Variants in CNNM1 observed in about 807,000 individuals in gnomAD.
The protein encoded by CNNM1 is cyclin and CBS domain divalent metal cation transport mediator 1.
In CNNM1, 44 loss-of-function variants were observed where a neutral mutation model predicts 78.8. The observed-to-expected ratio is 0.56, with a 90% CI of 0.44 to 0.72. The LOEUF (loss-of-function observed/expected upper bound fraction) is 0.72, where lower values mean the gene tolerates loss of function less well. CNNM1 is among the 30% of genes least tolerant of loss of function. The pLI is 0.00. For synonymous variants in CNNM1, 584 were observed against 581.5 expected, an observed-to-expected ratio of 1.00 and a Z score of -0.06; for missense variants, 1,101 against 1,292.2, an observed-to-expected ratio of 0.85 and a Z score of 2.27.
In CNNM1 at chr10:99,390,394, G is replaced by GC; in HGVS notation, c.2764dup (p.Leu922ProfsTer20). On this transcript the variant is annotated frameshift_variant, in exon 10 of 11. Transcript: ENST00000356713. LOFTEE classifies it high-confidence loss of function. ...TTGAGGAAAACGTGGGCAAGAAGCT[G>GC]CTGAGAACCTTGAGTGAGTAGCTAG... is the stretch of plus-strand genomic sequence containing the variant. The GC allele has an allele frequency of 6.2e-7, 1 of 1,611,718 alleles. No individual in the cohort carries two copies. Among genetic ancestry groups the GC allele is most frequent in the South Asian group, 1.1e-5 (1 of 90,366 alleles).
At chr10:99,356,865 T>C (rs957847748) in intron 1 of CNNM1, among the ~76,000 whole-genome samples, 2 of 152,214 alleles carry the variant, frequency 1.3e-5, no homozygotes, top group African/African-American at 2.4e-5. Context: ...CTTCTTACAA[T>C]GTTCTTGCAG....
chr10:99,330,022 A>C lies in CNNM1; in HGVS notation c.635A>C (p.Tyr212Ser). The C allele has an allele frequency of 6.9e-7, 1 of 1,439,762 alleles. No homozygotes were observed. The highest frequency in any genetic ancestry group is 1.4e-5 in the South Asian group (1 of 69,348). 89.2% of individuals were successfully genotyped at this position (1,439,762 alleles called of 1,614,324 possible). ...CTGCTGCGCGTTCGCCCGCGGTTGT[A>C]CGGCCCAGGCGGGGACCTGCTGCCC... The part of the protein sequence containing the change: ...GFLLRVRPRL[Y>S]GPGGDLLPPA... Residue 212 changes from tyrosine (Y) to serine (S), a missense_variant, in exon 1 of 11, where the codon TAC becomes TCC. Physicochemically the swap from Tyr to Ser is moderately radical, Grantham distance 144. Transcript: ENST00000356713.
chr10:99,390,551 G>C, intron 10 of CNNM1, 144 bp downstream of exon 10: 2 of 658,144 alleles, frequency 3.0e-6, no homozygotes, highest in Non-Finnish European at 5.4e-6. Context: ...ATCCGCAGAA[G>C]GGGTTGGGCC....
intron 6 of CNNM1, among the ~76,000 whole-genome samples, chr10:99,366,510 A>G (rs1173061029): frequency 6.6e-6 from 1 of 151,632 alleles, no homozygotes; most frequent in South Asian, 2.1e-4. Context: ...GTGGCCGGGC[A>G]TGGTGGCTCT....
chr10:99,365,038 A>G (rs771481494), intron 6 of CNNM1, 36 bp downstream of exon 6: 3 of 1,611,280 alleles, frequency 1.9e-6, no homozygotes, highest in African/African-American at 1.3e-5. Context: ...CGTCCTCCCC[A>G]TCGTAGTCCT....
At position 99,388,403 on chromosome 10, in the gene CNNM1, G is replaced by C. The variant is rs60296381; in HGVS notation, c.2674+102G>C. 1,142 of 1,384,258 alleles carry C rather than the reference G, an allele frequency of 8.2e-4. 1 individual carries two copies. The highest frequency in any genetic ancestry group is 2.0e-3 in the Middle Eastern group (8 of 3,906). 85.7% of individuals were successfully genotyped at this position (1,384,258 alleles called of 1,614,324 possible). Reference sequence around the variant, plus strand: ...GGCTGAGGGGAGCCCTGGGACCGCAGCCCGTGCGTTAAACCTCCGACCTCC... The same window carrying C: ...GGCTGAGGGGAGCCCTGGGACCGCACCCCGTGCGTTAAACCTCCGACCTCC... On this transcript the variant is annotated intron_variant, in intron 9 of 10. Coordinates refer to ENST00000356713, the MANE Select transcript of CNNM1 (RefSeq NM_020348.3).
intron 6 of CNNM1, chr10:99,368,488 T>C (rs2134058968): frequency 2.4e-6 from 1 of 422,088 alleles, no homozygotes; most frequent in South Asian, 1.9e-5. Context: ...AGATTCCTTT[T>C]TGCAGAGAAA....
At chr10:99,366,990 G>A (rs569442908) in intron 6 of CNNM1, among the ~76,000 whole-genome samples, 2 of 152,154 alleles carry the variant, frequency 1.3e-5, no homozygotes, top group Non-Finnish European at 2.9e-5. Flanking sequence ...GAGCATCTCT[G>A]TAAATCTTCA....
intron 1 of CNNM1, among the ~76,000 whole-genome samples, chr10:99,347,599 A>AC (rs1564942665): frequency 2.6e-5 from 4 of 151,748 alleles, no homozygotes; most frequent in Admixed American, 1.3e-4. Flanking sequence ...ACACACACAC[A>AC]AATGTTGCAA....
chr10:99,346,335 C>T (rs1240563927), intron 1 of CNNM1, among the ~76,000 whole-genome samples: 1 of 152,194 alleles, frequency 6.6e-6, no homozygotes, highest in African/African-American at 2.4e-5. Flanking sequence ...AAAAAAATCT[C>T]TTAGACTTCA....
chr10:99,365,769 T>A (rs1211605014), intron 6 of CNNM1, among the ~76,000 whole-genome samples: 2 of 152,232 alleles, frequency 1.3e-5, no homozygotes, highest in African/African-American at 4.8e-5. Context: ...AGTGACCACT[T>A]CAATGCCAAA....
chr10:99,369,288 T>C (rs12268069), intron 6 of CNNM1, among the ~76,000 whole-genome samples: 87,428 of 152,076 alleles, frequency 0.57, 26,361 homozygotes, highest in Non-Finnish European at 0.68. Context: ...CAAATCTGAA[T>C]GATCAACCGT....
Position 99,356,605 on chromosome 10 carries a change from A to AAAGAAAGAAAGAAAAG in CNNM1, c.1574-905_1574-904insGAAAGAAAGAAAAGAA, listed in dbSNP as rs1491432735. Among the ~76,000 whole-genome samples, 9 of 56,388 alleles carry AAAGAAAGAAAGAAAAG rather than the reference A, an allele frequency of 1.6e-4. No individual in the cohort carries two copies. The East Asian group carries it at 3.1e-3, about 19-fold the overall frequency. The allele number at this position is 56,388 out of a possible 152,430, so 37.0% of individuals were successfully genotyped here. A position where few individuals can be genotyped will look rare whatever the true frequency, so the allele number is the denominator to read the frequency against. ...GAAAGAAAGAAAGAAAGAAAGAAAG[A>AAAGAAAGAAAGAAAAG]AAAGAAAGAAAGAAAGAAAAGAAAA... On this transcript the variant is annotated intron_variant, in intron 1 of 10. Transcript: ENST00000356713.
intron 6 of CNNM1, among the ~76,000 whole-genome samples, chr10:99,367,963 C>T (rs750753745): frequency 4.6e-5 from 7 of 152,176 alleles, no homozygotes; most frequent in African/African-American, 9.7e-5. Context: ...GACAATGGAA[C>T]GGAGAGATAC....
In CNNM1 at chr10:99,375,910, C is replaced by T. The variant is rs143217244; in HGVS notation, c.2177-1145C>T. ...CGGTTGAGATGATGTTTGGAGTCAC[C>T]TTCGGTATCCTGTTTTCTGTTGTTC... On this transcript the variant is annotated intron_variant, in intron 6 of 10. Transcript: ENST00000356713. 9.2e-5 allele frequency among the ~76,000 whole-genome samples: 14 copies of T among 152,356 alleles called. No homozygotes were observed. The East Asian group carries it at 2.5e-3, about 27-fold the overall frequency.
rs574991802 is a variant in CNNM1 at position 99,330,060 on chromosome 10, C to A, written c.673C>A (p.Arg225=). ...GGDLLPPAWL[R]ALGALLLLAL... is the part of the protein sequence containing the mutation. ...GGACCTGCTGCCCCCTGCGTGGCTG[C>A]GGGCGCTCGGGGCGCTCCTGCTGCT... The change falls in exon 1 of 11, where the codon CGG becomes AGG. Residue 225 remains arginine (R), a synonymous_variant. Transcript: ENST00000356713. 1 of 1,514,154 alleles carries A rather than the reference C, an allele frequency of 6.6e-7. No homozygotes were observed. Among genetic ancestry groups the A allele is most frequent in the South Asian group, 1.2e-5 (1 of 81,716 alleles). 93.8% of individuals were successfully genotyped at this position (1,514,154 alleles called of 1,614,324 possible).
chr10:99,349,507 G>A (rs10883332), intron 1 of CNNM1, among the ~76,000 whole-genome samples: 100,565 of 152,042 alleles, frequency 0.66, 34,124 homozygotes, highest in South Asian at 0.78. Flanking sequence ...CCAAGTGTGC[G>A]TAAGAATCAC....
At chr10:99,340,775 C>T (rs2030410999) in intron 1 of CNNM1, among the ~76,000 whole-genome samples, 1 of 137,126 alleles carries the variant, frequency 7.3e-6, no homozygotes, top group South Asian at 2.7e-4. Flanking sequence ...CTCTCTCTTT[C>T]CTTCTTTCTT....
intron 1 of CNNM1, among the ~76,000 whole-genome samples, chr10:99,343,193 C>T (rs1042247422): frequency 8.6e-5 from 13 of 152,024 alleles, no homozygotes; most frequent in African/African-American, 2.9e-4. Flanking sequence ...AAACTCCTGA[C>T]CTCAGGTGAT....
Sources: allele counts gnomAD v4.1 joint callset (sites outside exome capture counted in the v4.1 genomes callset), GRCh38; gene constraint gnomAD v4.1.1; transcripts MANE v1.5; gene names NCBI Gene and HGNC (gene_info 2026-07-23, HGNC 2026-07-21).